Variants in CAST observed in about 807,000 individuals in gnomAD.
CAST encodes the protein MIR583 host.
A neutral mutation model predicts 119.6 loss-of-function variants in CAST; 76 were observed. That is an observed-to-expected ratio of 0.64 (90% CI 0.53 to 0.77). The LOEUF (loss-of-function observed/expected upper bound fraction) is 0.77, where lower values mean the gene tolerates loss of function less well. Ranked by LOEUF, CAST falls within the 30% of genes least tolerant of loss-of-function variation. CAST has a pLI of 0.00. For synonymous variants in CAST, 319 were observed against 331.6 expected (o/e 0.96, Z 0.41); for missense variants, 953 against 946.5 (o/e 1.01, Z -0.09).
At chr5:96,321,071 G>A in the CAST span, among the ~76,000 whole-genome samples, 1 of 152,316 alleles carries the variant, frequency 6.6e-6, no homozygotes, top group African/African-American at 2.4e-5. Flanking sequence ...AAAGGTGAGA[G>A]TGCTTATCTC....
chr5:96,590,392 G>A (rs1248589636), intron 1 of CAST, among the ~76,000 whole-genome samples: 2 of 152,182 alleles, frequency 1.3e-5, no homozygotes, highest in Admixed American at 6.5e-5. Flanking sequence ...AGGCTGTTGT[G>A]CTGCAAATGG....
In CAST at chr5:96,662,547, G is replaced by A. The variant is rs1163604266; in HGVS notation, c.75+50G>A. 2.3e-6 allele frequency: 3 copies of A among 1,331,722 alleles called. No homozygotes were observed. In the African/African-American group the frequency reaches 4.6e-5, roughly 21 times the overall value. 82.5% of individuals were successfully genotyped at this position (1,331,722 alleles called of 1,614,324 possible). On this transcript the variant is annotated intron_variant, in intron 1 of 31. Transcript: ENST00000675179. ...GCGGGGCTGGGCGATGGGGTACCGGGTCCCGGAGCTGTGGCCGCCCTCCCT... is the reference window on the plus strand; with the variant it reads ...GCGGGGCTGGGCGATGGGGTACCGGATCCCGGAGCTGTGGCCGCCCTCCCT...
At chr5:96,716,650 T>A (rs1473384085) in intron 3 of CAST, among the ~76,000 whole-genome samples, 1 of 152,234 alleles carries the variant, frequency 6.6e-6, no homozygotes, top group Non-Finnish European at 1.5e-5. Flanking sequence ...TTTATTTCAA[T>A]ATTTGAGATG....
chr5:96,373,289 A>G, the CAST span, among the ~76,000 whole-genome samples: 1 of 152,200 alleles, frequency 6.6e-6, no homozygotes, highest in Non-Finnish European at 1.5e-5. Context: ...AGAGGGCACC[A>G]AGGGATTGTT....
At chr5:96,469,211 G>T in the CAST span, among the ~76,000 whole-genome samples, 4 of 152,028 alleles carry the variant, frequency 2.6e-5, no homozygotes, top group South Asian at 8.3e-4. Flanking sequence ...TTAAATAGAT[G>T]GTAAAGTACA....
the CAST span, chr5:95,961,719 C>T: frequency 1.2e-6 from 2 of 1,604,316 alleles, no homozygotes; most frequent in Non-Finnish European, 1.7e-6. Context: ...CCCCCGCCGC[C>T]ATCTTAAACT....
In CAST at chr5:96,741,276, G is replaced by A; in HGVS notation, c.929G>A (p.Gly310Glu). 1 of 1,608,396 alleles carries A rather than the reference G, an allele frequency of 6.2e-7. No individual in the cohort carries two copies. Among genetic ancestry groups the A allele is most frequent in the Non-Finnish European group, 8.5e-7 (1 of 1,175,162 alleles). The change falls in exon 14 of 32, where the codon GGG (glycine) becomes GAG (glutamate). Residue 310 changes from glycine (G) to glutamate (E), a missense_variant. Coordinates refer to ENST00000675179, the MANE Select transcript of CAST (RefSeq NM_001750.7). Reference sequence around the variant, plus strand: ...TGCCTGTTTCTTTAGAAACCCATAGGGCCAGATGATGCTATAGACGCCTTG... The same window carrying A: ...TGCCTGTTTCTTTAGAAACCCATAGAGCCAGATGATGCTATAGACGCCTTG... Reference protein sequence around the residue: ...GPPADSSKPIGPDDAIDALSS... With the variant: ...GPPADSSKPIEPDDAIDALSS...
the CAST span, among the ~76,000 whole-genome samples, chr5:96,026,006 G>A: frequency 6.6e-6 from 1 of 152,204 alleles, no homozygotes; most frequent in African/African-American, 2.4e-5. Flanking sequence ...GCCAAGACAA[G>A]TGGATTGCTT....
the CAST span, among the ~76,000 whole-genome samples, chr5:96,346,304 C>T: frequency 0.014 from 2,059 of 152,210 alleles, 38 homozygotes; most frequent in African/African-American, 0.046. Flanking sequence ...ACTGCTGTTT[C>T]GGACATATTA....
chr5:96,593,277 C>T (rs943304179), intron 1 of CAST, among the ~76,000 whole-genome samples: 9 of 152,212 alleles, frequency 5.9e-5, no homozygotes, highest in South Asian at 2.1e-4. Flanking sequence ...TCAGCTCCAG[C>T]GTCACCTCCT....
the CAST span, among the ~76,000 whole-genome samples, chr5:96,168,538 C>G: frequency 3.5e-4 from 53 of 152,066 alleles, no homozygotes; most frequent in Non-Finnish European, 5.9e-4. Context: ...GGTAGTGGAG[C>G]GGGGCAGAGC....
chr5:95,980,152 AT>A, the CAST span, among the ~76,000 whole-genome samples: 1 of 152,170 alleles, frequency 6.6e-6, no homozygotes, highest in Non-Finnish European at 1.5e-5. Context: ...CAGCAAAAAA[AT>A]AAAAATAAAA....
chr5:96,742,346 TTTTG>T (rs973678728), intron 15 of CAST: 17 of 207,372 alleles, frequency 8.2e-5, no homozygotes, highest in Non-Finnish European at 1.6e-4. Context: ...CTTCTTTTTT[TTTTG>T]TTTGTTTAGA....
the CAST span, among the ~76,000 whole-genome samples, chr5:96,032,334 G>A: frequency 6.6e-6 from 1 of 151,958 alleles, no homozygotes; most frequent in Non-Finnish European, 1.5e-5. Flanking sequence ...GATATATATG[G>A]GCTACCATTT....
chr5:95,980,714 C>T, the CAST span, among the ~76,000 whole-genome samples: 10 of 152,150 alleles, frequency 6.6e-5, no homozygotes, highest in African/African-American at 1.7e-4. Context: ...CGTCACCCAC[C>T]GTTAAGTTCT....
chr5:96,762,184 A>C (rs1039385313), intron 24 of CAST, 90 bp from the exon 25 acceptor site: 1 of 670,096 alleles, frequency 1.5e-6, no homozygotes, highest in Non-Finnish European at 2.5e-6. Context: ...ACAGTCATTA[A>C]GCTATCTTTA....
the CAST span, among the ~76,000 whole-genome samples, chr5:96,204,047 G>A: frequency 5.9e-5 from 9 of 152,042 alleles, no homozygotes; most frequent in Non-Finnish European, 8.8e-5. Flanking sequence ...GGCTTCTAAT[G>A]AAAAGACATT....
At chr5:96,479,112 A>G in the CAST span, among the ~76,000 whole-genome samples, 1 of 152,338 alleles carries the variant, frequency 6.6e-6, no homozygotes, top group East Asian at 1.9e-4. Flanking sequence ...TCTCCCAGTC[A>G]TCCAGGAATA....
chr5:96,046,310 AAGAAAT>A, the CAST span, among the ~76,000 whole-genome samples: 1 of 152,266 alleles, frequency 6.6e-6, no homozygotes, highest in Non-Finnish European at 1.5e-5. Flanking sequence ...GAATAAAAGA[AAGAAAT>A]AGAACAAGGG....
Sources: allele counts gnomAD v4.1 joint callset (sites outside exome capture counted in the v4.1 genomes callset), GRCh38; gene constraint gnomAD v4.1.1; transcripts MANE v1.5; gene names NCBI Gene and HGNC (gene_info 2026-07-23, HGNC 2026-07-21).